Variants in FHAD1 observed in about 807,000 individuals in gnomAD.
The protein encoded by FHAD1 is forkhead-associated domain-containing protein 1.
FHAD1 carries 146 observed loss-of-function variants against 191.3 expected under a neutral mutation model. The ratio of observed to expected loss-of-function variants is 0.76; its 90% CI spans 0.67 to 0.88. The LOEUF is 0.88. FHAD1 is among the 40% of genes least tolerant of loss of function. The probability of loss-of-function intolerance (pLI) is 0.00; values close to 1 mark genes in which losing one functional copy is unlikely to be tolerated. For missense variants in FHAD1, 1,635 were observed against 1,785.8 expected (o/e 0.92, Z 1.52); for synonymous variants, 616 against 672.3 (o/e 0.92, Z 1.29).
At chr1:15,378,998 T>A (rs1167477036) in intron 28 of FHAD1, among the ~76,000 whole-genome samples, 1 of 152,142 alleles carries the variant, frequency 6.6e-6, no homozygotes, top group African/African-American at 2.4e-5. Context: ...AGCTGTCTCC[T>A]CTCTGGAAAG....
At position 15,289,955 on chromosome 1, in the gene FHAD1, CAT is replaced by C. The variant is rs2100569207; in HGVS notation, c.568+292_568+293del. ...TGGGTGTGGCCTCTGTGTGTGTGTA[CAT>C]ATGAGTGTGTCATGGGATCACGTCA... On this transcript the variant is annotated intron_variant, in intron 4 of 33. Coordinates refer to ENST00000688493, the MANE Select transcript of FHAD1 (RefSeq NM_001391957.1). The surrounding 1 kb of genome is among the most constrained non-coding windows in gnomAD (Gnocchi z 4.2). Among the ~76,000 whole-genome samples the C allele has an allele frequency of 6.6e-6, 1 of 152,266 alleles. No homozygotes were observed. Among genetic ancestry groups the C allele is most frequent in the African/African-American group, 2.4e-5 (1 of 41,566 alleles).
Position 15,311,927 on chromosome 1 carries a change from A to G in FHAD1, c.1040-1130A>G, listed in dbSNP as rs1413373514. ...AGGAGCTACTGCTGTCATGTCATCT[A>G]AAGCCCGACTAGGGCTCGAGGATCC... On this transcript the variant is annotated intron_variant, in intron 7 of 33. Transcript: ENST00000688493. This position sits in a 1 kb window ranked among gnomAD's most constrained non-coding sequence, Gnocchi z 4.1. Among the ~76,000 whole-genome samples, 1 of 152,202 alleles carries G rather than the reference A, an allele frequency of 6.6e-6. No individual in the cohort carries two copies. Among genetic ancestry groups the G allele is most frequent in the Non-Finnish European group, 1.5e-5 (1 of 68,030 alleles).
rs1674476906 is a variant in FHAD1, at chr1:15,316,406, A to C, written c.1199A>C (p.Gln400Pro). Residue 400 changes from glutamine to proline, a missense_variant, in exon 9 of 34, where the codon CAG becomes CCG. Gln to Pro is a moderately conservative substitution (Grantham distance 76). Coordinates refer to ENST00000688493, the MANE Select transcript of FHAD1 (RefSeq NM_001391957.1). The surrounding 1 kb of genome is among the most constrained non-coding windows in gnomAD (Gnocchi z 4.3). ...RCSVLKEELK[Q>P]EDAHRELREA... ...TCGGTGCTAAAGGAAGAGTTAAAAC[A>C]GGAAGATGCTCACAGGGAGCTCAGG... 1 of 1,551,618 alleles carries C rather than the reference A, an allele frequency of 6.4e-7. No homozygotes were observed. Among genetic ancestry groups the C allele is most frequent in the African/African-American group, 1.4e-5 (1 of 73,058 alleles).
intron 4 of FHAD1, among the ~76,000 whole-genome samples, chr1:15,295,567 T>C (rs1416516152): frequency 1.3e-5 from 2 of 152,184 alleles, no homozygotes; most frequent in Non-Finnish European, 2.9e-5. Flanking sequence ...ATGATCATGC[T>C]ACTGCACTCT....
intron 7 of FHAD1, among the ~76,000 whole-genome samples, chr1:15,310,183 C>T (rs1039007545): frequency 5.9e-5 from 9 of 152,156 alleles, no homozygotes; most frequent in Non-Finnish European, 4.4e-5. Flanking sequence ...TCCTAAAGTC[C>T]CCCCTGCACA....
In FHAD1 at chr1:15,344,675, G is replaced by A. The variant is rs377115513; in HGVS notation, c.2131-408G>A. Among the ~76,000 whole-genome samples the A allele has an allele frequency of 2.0e-5, 3 of 152,186 alleles. No homozygotes were observed. The East Asian group carries it at 5.8e-4, about 29-fold the overall frequency. ...TCAGAGTTAGAATCCCTCCTCTTGT[G>A]ATTTACTAGTAAACTGGGTGGATTC... On this transcript the variant is annotated intron_variant, in intron 16 of 33. Transcript: ENST00000688493.
In FHAD1 at chr1:15,317,510, A is replaced by C. The variant is rs149318899; in HGVS notation, c.1261-314A>C. On this transcript the variant is annotated intron_variant, in intron 9 of 33. Transcript: ENST00000688493. Reference sequence around the variant, plus strand: ...TTGGCCCTTTAGATTGAACTCAAAAATATAACCCAAGAGCAGGGTTTCAAG... The same window carrying C: ...TTGGCCCTTTAGATTGAACTCAAAACTATAACCCAAGAGCAGGGTTTCAAG... Among the ~76,000 whole-genome samples, 165 of 152,388 alleles carry C rather than the reference A, an allele frequency of 1.1e-3. 1 individual carries two copies. Among genetic ancestry groups the C allele is most frequent in the African/African-American group, 3.7e-3 (153 of 41,600 alleles).
intron 31 of FHAD1, 111 bp downstream of exon 31, chr1:15,382,304 A>C: frequency 9.0e-7 from 1 of 1,111,270 alleles, no homozygotes. Flanking sequence ...ACAGGGATGG[A>C]TGCAAAGGGA....
chr1:15,273,454 T>A (rs948226129), intron 3 of FHAD1, among the ~76,000 whole-genome samples: 3 of 150,494 alleles, frequency 2.0e-5, no homozygotes, highest in African/African-American at 7.4e-5. Flanking sequence ...AGACATTAAG[T>A]GCACCCGTCA....
chr1:15,262,341 C>T (rs1223814570), intron 2 of FHAD1, among the ~76,000 whole-genome samples: 1 of 152,208 alleles, frequency 6.6e-6, no homozygotes, highest in Non-Finnish European at 1.5e-5. Flanking sequence ...TTATTCTTCA[C>T]CACAAACCCA....
intron 31 of FHAD1, among the ~76,000 whole-genome samples, chr1:15,387,270 A>G (rs894418657): frequency 1.3e-5 from 2 of 152,144 alleles, no homozygotes; most frequent in African/African-American, 4.8e-5. Context: ...TCTTGGGCCC[A>G]GGTATTTTCA....
intron 28 of FHAD1, among the ~76,000 whole-genome samples, chr1:15,378,613 A>G (rs550353608): frequency 2.5e-4 from 38 of 152,328 alleles, no homozygotes; most frequent in African/African-American, 9.1e-4. Context: ...AAACTGCCCA[A>G]TTTATTGTCA....
At chr1:15,284,760 T>C (rs1661833588) in intron 3 of FHAD1, among the ~76,000 whole-genome samples, 1 of 152,176 alleles carries the variant, frequency 6.6e-6, no homozygotes, top group Admixed American at 6.5e-5. Flanking sequence ...TGGGTGTTTA[T>C]TCAAGCTGAT....
intron 31 of FHAD1, chr1:15,383,222 C>G: frequency 2.1e-6 from 1 of 471,046 alleles, no homozygotes; most frequent in Non-Finnish European, 4.4e-6. Flanking sequence ...AGGCATCCCT[C>G]GCTATCTGCT....
chr1:15,301,366 G>C lies in FHAD1; in HGVS notation c.840G>C (p.Glu280Asp). The change falls in exon 6 of 34, where the codon GAG becomes GAC. Residue 280 changes from glutamate to aspartate, a missense_variant. By Grantham distance (45) the Glu-to-Asp change is conservative (BLOSUM62 2). Transcript: ENST00000688493. The part of the protein sequence containing the change: ...ETTTSRQNEK[E>D]ISQKCQVLDE... ...CCACCTCCAGGCAGAATGAGAAGGA[G>C]ATCTCGCAGAAGTGTCAGGTTCTGG... 1 of 1,551,770 alleles carries C rather than the reference G, an allele frequency of 6.4e-7. No homozygotes were observed. The highest frequency in any genetic ancestry group is 2.0e-5 in the Admixed American group (1 of 51,004).
At chr1:15,301,961 A>ACTGAGATGGCGCCACTGCACTCCAGCCT (rs1668940736) in intron 6 of FHAD1, among the ~76,000 whole-genome samples, 1 of 152,118 alleles carries the variant, frequency 6.6e-6, no homozygotes, top group Non-Finnish European at 1.5e-5. Context: ...GTTGCAGAGA[A>ACTGAGATGGCGCCACTGCACTCCAGCCT]CTGAGATGGC....
At chr1:15,330,436 A>G (rs1301684724) in intron 14 of FHAD1, among the ~76,000 whole-genome samples, 1 of 152,194 alleles carries the variant, frequency 6.6e-6, no homozygotes, top group Non-Finnish European at 1.5e-5. Flanking sequence ...GTTCACTGTA[A>G]AATTCTTCCA....
intron 32 of FHAD1, among the ~76,000 whole-genome samples, chr1:15,388,801 A>G (rs1703011523): frequency 6.6e-6 from 1 of 152,164 alleles, no homozygotes; most frequent in Non-Finnish European, 1.5e-5. Context: ...ACCTTGCTGG[A>G]CTTTCCCCCT....
chr1:15,353,101 G>A, intron 20 of FHAD1, 117 bp downstream of exon 20: 1 of 692,042 alleles, frequency 1.4e-6, no homozygotes, highest in Non-Finnish European at 2.5e-6. Flanking sequence ...GGGGACTTCA[G>A]GCTAGTACCT....
Sources: gnomAD v4.1 joint callset for allele counts (sites outside exome capture counted in the v4.1 genomes callset) on GRCh38, gnomAD v4.1.1 for gene constraint, Gnocchi (gnomAD v3.1) non-coding constraint, MANE v1.5 for transcripts, NCBI Gene and HGNC (gene_info 2026-07-23, HGNC 2026-07-21) for gene names.